GEMIN7: variants seen among roughly 807,000 people sequenced by gnomAD.
GEMIN7 encodes gem nuclear organelle associated protein 7, also known as gem-associated protein 7.
In GEMIN7, 7 loss-of-function variants were observed where a neutral mutation model predicts 7.8. The observed-to-expected ratio is 0.90, with a 90% confidence interval of 0.51 to 1.69. GEMIN7 has a LOEUF of 1.69. Ranked by LOEUF, GEMIN7 falls within the 40% of genes most tolerant of loss-of-function variation. GEMIN7 has a pLI of 0.00. For synonymous variants in GEMIN7, 68 were observed against 72.4 expected, an observed-to-expected ratio of 0.94 and a Z score of 0.31; for missense variants, 159 against 176.2, an observed-to-expected ratio of 0.90 and a Z score of 0.55.
At chr19:45,089,690 T>C (rs188369635) in intron 2 of GEMIN7, among the ~76,000 whole-genome samples, 1 of 152,090 alleles carries the variant, frequency 6.6e-6, no homozygotes, top group East Asian at 1.9e-4. Context: ...AAAATATATA[T>C]ATATATTTTT....
upstream of GEMIN7, among the ~76,000 whole-genome samples, chr19:45,078,295 G>A (rs868258814): frequency 2.0e-5 from 3 of 151,856 alleles, no homozygotes; most frequent in Non-Finnish European, 4.4e-5. Context: ...TCACCATGTT[G>A]GCCAGGCTGG....
intron 2 of GEMIN7, among the ~76,000 whole-genome samples, chr19:45,087,879 G>A (rs929782972): frequency 2.6e-5 from 4 of 152,100 alleles, no homozygotes; most frequent in African/African-American, 9.7e-5. Context: ...GGCAGTGGAG[G>A]AGGTGAGAAG....
intron 2 of GEMIN7, among the ~76,000 whole-genome samples, chr19:45,081,231 C>T (rs1337476676): frequency 2.0e-5 from 3 of 152,146 alleles, no homozygotes; most frequent in Non-Finnish European, 4.4e-5. Context: ...CTTTGGGAGG[C>T]TGAAGCAGGC....
At chr19:45,086,195 G>A (rs1339921589) in intron 2 of GEMIN7, among the ~76,000 whole-genome samples, 1 of 151,498 alleles carries the variant, frequency 6.6e-6, no homozygotes, top group African/African-American at 2.4e-5. Flanking sequence ...CCTGGGAGGC[G>A]GAGGTTGCAG....
At chr19:45,076,478 T>A, upstream of GEMIN7, 2 of 849,498 alleles carry the variant, frequency 2.4e-6, no homozygotes, top group Non-Finnish European at 3.1e-6. This position sits in a 1 kb window ranked among gnomAD's most constrained non-coding sequence, Gnocchi z 4.9. Flanking sequence ...GGTGAGTGAC[T>A]GCGGCGACCC....
At chr19:45,081,084 T>C (rs1265305592) in intron 2 of GEMIN7, among the ~76,000 whole-genome samples, 1 of 152,152 alleles carries the variant, frequency 6.6e-6, no homozygotes, top group Non-Finnish European at 1.5e-5. Flanking sequence ...GGAGGATATC[T>C]TGAGTCCAGG....
rs781107121 is a variant in GEMIN7, at chr19:45,090,345, G to C, written c.231G>C (p.Gln77His). The change falls in exon 3 of 3, where the codon CAG (glutamine) becomes CAC (histidine). Residue 77 changes from glutamine (Q) to histidine (H), a missense_variant. Physicochemically the swap from Gln to His is conservative, Grantham distance 24. Transcript: ENST00000270257. ...GCCTGCTGGCCATGGTGGGTCATCA[G>C]GTGAGCTTCACGTTGCACGAGGGTG... The part of the protein sequence containing the change: ...LRSLLAMVGH[Q>H]VSFTLHEGVR... 2.5e-6 allele frequency: 4 copies of C among 1,614,190 alleles called. No homozygotes were observed. The African/African-American group carries it at 5.3e-5, about 22-fold the overall frequency.
intron 2 of GEMIN7, among the ~76,000 whole-genome samples, chr19:45,083,473 T>C (rs6509181): frequency 0.6 from 90,405 of 151,570 alleles, 27,623 homozygotes; most frequent in African/African-American, 0.69. Flanking sequence ...AGGAGGATTC[T>C]ATTTGGGCCA....
chr19:45,077,720 T>G (rs1291526645), upstream of GEMIN7, among the ~76,000 whole-genome samples: 1 of 152,122 alleles, frequency 6.6e-6, no homozygotes, highest in African/African-American at 2.4e-5. Flanking sequence ...CTGAAGGCCT[T>G]GCAAATTACA....
upstream of GEMIN7, chr19:45,079,080 C>A (rs773889825): frequency 6.6e-6 from 1 of 152,262 alleles, no homozygotes; most frequent in Non-Finnish European, 1.5e-5. Flanking sequence ...GCAGGAAGAT[C>A]GGTCCCAAGT....
chr19:45,076,421 C>G, upstream of GEMIN7: 1 of 1,209,774 alleles, frequency 8.3e-7, no homozygotes, highest in Non-Finnish European at 1.0e-6. This position sits in a 1 kb window ranked among gnomAD's most constrained non-coding sequence, Gnocchi z 4.9. Flanking sequence ...GGCAGGCGGG[C>G]GGGCGGAGGA....
chr19:45,076,086 C>T, upstream of GEMIN7: 2 of 1,580,328 alleles, frequency 1.3e-6, no homozygotes, highest in Non-Finnish European at 1.7e-6. This position sits in a 1 kb window ranked among gnomAD's most constrained non-coding sequence, Gnocchi z 4.9. Context: ...CGGGATAGTT[C>T]GGGGTCAACG....
intron 2 of GEMIN7, among the ~76,000 whole-genome samples, chr19:45,083,630 TCTCA>T (rs1201883496): frequency 7.6e-6 from 1 of 132,416 alleles, no homozygotes; most frequent in African/African-American, 2.9e-5. Flanking sequence ...TGAGACAGGG[TCTCA>T]CTCTTCCCAG....
upstream of GEMIN7, chr19:45,076,106 G>A (rs1283372676): frequency 1.3e-6 from 2 of 1,575,504 alleles, no homozygotes; most frequent in Non-Finnish European, 1.7e-6. This position sits in a 1 kb window ranked among gnomAD's most constrained non-coding sequence, Gnocchi z 4.9. Context: ...GGCGTCCACA[G>A]GGTCCACGGG....
intron 1 of GEMIN7, among the ~76,000 whole-genome samples, 182 bp from the exon 2 acceptor site, chr19:45,079,725 G>A (rs985664031): frequency 2.0e-5 from 3 of 152,132 alleles, no homozygotes; most frequent in African/African-American, 7.2e-5. Context: ...GGTGGTCAGG[G>A]CGGAATTGAA....
intron 2 of GEMIN7, among the ~76,000 whole-genome samples, chr19:45,086,943 T>C (rs1194775111): frequency 6.6e-6 from 1 of 152,060 alleles, no homozygotes; most frequent in Non-Finnish European, 1.5e-5. Flanking sequence ...GCCTCCCTGG[T>C]GCAAGCGATT....
rs869044428 is a variant in GEMIN7, at chr19:45,085,863, C to CTTTTTTTTT, written c.-8-4230_-8-4222dup. 4.0e-4 allele frequency among the ~76,000 whole-genome samples: 35 copies of CTTTTTTTTT among 88,392 alleles called. 3 individuals carry two copies. The highest frequency in any genetic ancestry group is 8.0e-4 in the South Asian group (2 of 2,486). 58.0% of individuals were successfully genotyped at this position (88,392 alleles called of 152,430 possible). A position where few individuals can be genotyped will look rare whatever the true frequency, so the allele number is the denominator to read the frequency against. ...TCGGGAGACTGAGGCACAAGAATCT[C>CTTTTTTTTT]TTTTTTTTTTTTTTTTTTTTTTGAG... is the stretch of plus-strand genomic sequence containing the variant. On this transcript the variant is annotated intron_variant, in intron 2 of 2. Coordinates refer to ENST00000270257, the MANE Select transcript of GEMIN7 (RefSeq NM_024707.3).
upstream of GEMIN7, chr19:45,076,006 G>A: frequency 1.3e-6 from 2 of 1,567,516 alleles, no homozygotes; most frequent in Admixed American, 2.0e-5. The surrounding 1 kb of genome is among the most constrained non-coding windows in gnomAD (Gnocchi z 4.9). Context: ...AGGGGCCCAT[G>A]CCCAAAGGGA....
upstream of GEMIN7, among the ~76,000 whole-genome samples, chr19:45,078,097 CTTT>C (rs57149861): frequency 3.8e-4 from 37 of 96,658 alleles, no homozygotes; most frequent in African/African-American, 1.4e-3. Flanking sequence ...TTATTTTACT[CTTT>C]TTTTTTTTTT....
Sources: gnomAD v4.1 joint callset for allele counts (sites outside exome capture counted in the v4.1 genomes callset) on GRCh38, gnomAD v4.1.1 for gene constraint, Gnocchi (gnomAD v3.1) non-coding constraint, MANE v1.5 for transcripts, NCBI Gene and HGNC (gene_info 2026-07-23, HGNC 2026-07-21) for gene names.